PRKAR1B: variants seen among roughly 807,000 people sequenced by gnomAD.
PRKAR1B encodes the protein cAMP-dependent protein kinase type I-beta regulatory subunit.
In PRKAR1B, 22 loss-of-function variants were observed where a neutral mutation model predicts 46.5. That is an observed-to-expected ratio of 0.47 (90% CI 0.34 to 0.68). PRKAR1B has a LOEUF of 0.68. Ranked by LOEUF, PRKAR1B falls within the 30% of genes least tolerant of loss-of-function variation. The pLI is 0.01. For missense variants in PRKAR1B, 445 were observed against 535.6 expected, an observed-to-expected ratio of 0.83 and a Z score of 1.67; for synonymous variants, 259 against 217.7, an observed-to-expected ratio of 1.19 and a Z score of -1.67.
intron 4 of PRKAR1B, among the ~76,000 whole-genome samples, chr7:645,767 T>C (rs1007278103): frequency 6.6e-6 from 1 of 151,946 alleles, no homozygotes; most frequent in Non-Finnish European, 1.5e-5. Flanking sequence ...GGATCCCGGA[T>C]GTGCGTCTAC....
Position 550,342 on chromosome 7 carries a change from TCA to T in PRKAR1B, c.*86_*87del. 2 of 1,303,638 alleles carry T rather than the reference TCA, an allele frequency of 1.5e-6. No individual in the cohort carries two copies. The highest frequency in any genetic ancestry group is 1.3e-5 in the South Asian group (1 of 74,748). The allele number at this position is 1,303,638 out of a possible 1,614,324, so 80.8% of individuals were successfully genotyped here. A position where few individuals can be genotyped will look rare whatever the true frequency, so the allele number is the denominator to read the frequency against. On this transcript the variant is annotated 3_prime_UTR_variant, in exon 11 of 11. Coordinates refer to ENST00000537384, the MANE Select transcript of PRKAR1B (RefSeq NM_001164760.2). ...GACCCAGCCCCACCCGGCCCACACC[TCA>T]CACAGCGGCTCCCGGGCCCCCGACA...
chr7:641,896 A>G (rs1326203801), intron 4 of PRKAR1B, among the ~76,000 whole-genome samples: 1 of 151,840 alleles, frequency 6.6e-6, no homozygotes, highest in African/African-American at 2.4e-5. Context: ...TTATTTATGT[A>G]TGTATTTACT....
chr7:659,319 G>T (rs73046086), intron 4 of PRKAR1B, among the ~76,000 whole-genome samples: 16,118 of 152,222 alleles, frequency 0.11, 985 homozygotes, highest in South Asian at 0.25. Context: ...CCCTCGGGCG[G>T]GGTCTGGCCT....
At chr7:672,022 C>T (rs1194577334) in intron 4 of PRKAR1B, among the ~76,000 whole-genome samples, 3 of 152,322 alleles carry the variant, frequency 2.0e-5, no homozygotes, top group African/African-American at 7.2e-5. Flanking sequence ...GCTGCCTGCT[C>T]CCCGGAAGAG....
chr7:670,486 G>A (rs536990443), intron 4 of PRKAR1B, among the ~76,000 whole-genome samples: 1 of 152,316 alleles, frequency 6.6e-6, no homozygotes, highest in South Asian at 2.1e-4. Flanking sequence ...CCATGCCACA[G>A]CGTCCAGCAG....
intron 9 of PRKAR1B, among the ~76,000 whole-genome samples, chr7:563,159 A>AGGGCAG (rs1299451963): frequency 1.3e-5 from 2 of 152,134 alleles, no homozygotes; most frequent in African/African-American, 2.4e-5. Flanking sequence ...GGCAGCCACC[A>AGGGCAG]GGGCAGGTGC....
At chr7:614,102 G>A (rs1197661199) in intron 4 of PRKAR1B, among the ~76,000 whole-genome samples, 1 of 152,228 alleles carries the variant, frequency 6.6e-6, no homozygotes, top group African/African-American at 2.4e-5. Context: ...GACGCCTGCA[G>A]ACTCCACGCC....
intron 9 of PRKAR1B, 27 bp downstream of exon 9, chr7:579,229 A>C: frequency 6.2e-7 from 1 of 1,613,862 alleles, no homozygotes; most frequent in Non-Finnish European, 8.5e-7. Flanking sequence ...GCACACCCAG[A>C]GCGCCCACGT....
At chr7:589,231 C>T (rs758157356) in intron 7 of PRKAR1B, among the ~76,000 whole-genome samples, 1 of 151,708 alleles carries the variant, frequency 6.6e-6, no homozygotes, top group African/African-American at 2.4e-5. Context: ...GCAGCTGTTC[C>T]GTGTGTCTCT....
Position 591,746 on chromosome 7 carries a change from C to T in PRKAR1B, c.708+4400G>A, listed in dbSNP as rs1054785746. ...AGCAGCCACTTCTCCAGCCTGGAGA[C>T]GCACTGTCAGTGGGGTGAAATGACT... On this transcript the variant is annotated intron_variant, in intron 7 of 10. Coordinates refer to ENST00000537384, the MANE Select transcript of PRKAR1B (RefSeq NM_001164760.2). Among the ~76,000 whole-genome samples the T allele has an allele frequency of 5.9e-5, 9 of 152,280 alleles. No homozygotes were observed. The East Asian group carries it at 7.7e-4, about 13-fold the overall frequency.
intron 4 of PRKAR1B, among the ~76,000 whole-genome samples, chr7:624,257 A>G (rs1368656015): frequency 6.6e-6 from 1 of 152,158 alleles, no homozygotes; most frequent in Non-Finnish European, 1.5e-5. Context: ...ACATGGGGAA[A>G]CCCCATCTCT....
chr7:602,993 G>A lies in PRKAR1B; in HGVS notation c.549+3200C>T, dbSNP rs1010290258. On this transcript the variant is annotated intron_variant, in intron 6 of 10. Coordinates refer to ENST00000537384, the MANE Select transcript of PRKAR1B (RefSeq NM_001164760.2). This position sits in a 1 kb window ranked among gnomAD's most constrained non-coding sequence, Gnocchi z 6.4. Reference sequence around the variant, plus strand: ...AGTTAGGCGGGAACATAACCTGGGAGCCCCATGTCGGTTTCAGGCTCCACA... The same window carrying A: ...AGTTAGGCGGGAACATAACCTGGGAACCCCATGTCGGTTTCAGGCTCCACA... 2.6e-5 allele frequency among the ~76,000 whole-genome samples: 4 copies of A among 152,264 alleles called. No individual in the cohort carries two copies. Among genetic ancestry groups the A allele is most frequent in the African/African-American group, 7.2e-5 (3 of 41,538 alleles).
intron 1 of PRKAR1B, chr7:727,002 G>GCTGGCAGTGCA: frequency 1.6e-6 from 2 of 1,248,604 alleles, no homozygotes; most frequent in Non-Finnish European, 2.0e-6. Context: ...GCTGCCGCGC[G>GCTGGCAGTGCA]CTGGCAGTGC....
chr7:573,276 GT>G (rs1779628431), intron 9 of PRKAR1B, among the ~76,000 whole-genome samples: 1 of 152,144 alleles, frequency 6.6e-6, no homozygotes, highest in Admixed American at 6.5e-5. Context: ...GTTGAGTTTC[GT>G]CCCGGAGGAC....
intron 9 of PRKAR1B, among the ~76,000 whole-genome samples, chr7:576,896 G>A (rs761756853): frequency 3.9e-5 from 6 of 152,184 alleles, no homozygotes; most frequent in East Asian, 3.9e-4. Context: ...CTTCCTTCCC[G>A]CAGGCTCTTA....
intron 6 of PRKAR1B, among the ~76,000 whole-genome samples, chr7:601,717 G>A (rs1041719833): frequency 1.3e-5 from 2 of 152,202 alleles, no homozygotes; most frequent in Admixed American, 6.5e-5. Context: ...AGCCGCCTGG[G>A]ACTCACGGGA....
chr7:589,515 G>A (rs1047673532), intron 7 of PRKAR1B, among the ~76,000 whole-genome samples: 22 of 151,986 alleles, frequency 1.4e-4, no homozygotes, highest in Non-Finnish European at 2.9e-5. Context: ...GGCACCTCCC[G>A]AGATCCACAC....
chr7:701,284 G>GAGAA (rs564658515), intron 2 of PRKAR1B, among the ~76,000 whole-genome samples: 5 of 147,404 alleles, frequency 3.4e-5, no homozygotes, highest in East Asian at 2.0e-4. Context: ...AAGAAAGAAA[G>GAGAA]AGAAAGAAAG....
At chr7:724,927 C>A (rs913665207) in intron 1 of PRKAR1B, among the ~76,000 whole-genome samples, 1 of 152,204 alleles carries the variant, frequency 6.6e-6, no homozygotes, top group Non-Finnish European at 1.5e-5. Flanking sequence ...TTCAGAAGTA[C>A]TGATGGGCCG....
Sources: gnomAD v4.1 joint callset for allele counts (sites outside exome capture counted in the v4.1 genomes callset) on GRCh38, gnomAD v4.1.1 for gene constraint, Gnocchi (gnomAD v3.1) non-coding constraint, MANE v1.5 for transcripts, NCBI Gene and HGNC (gene_info 2026-07-23, HGNC 2026-07-21) for gene names.